Variants in CNOT10 observed in about 807,000 individuals in gnomAD.
CNOT10 encodes CCR4-NOT transcription complex subunit 10.
CNOT10 carries 30 observed loss-of-function variants against 94.6 expected under a neutral mutation model. The observed-to-expected ratio is 0.32, with a 90% confidence interval of 0.24 to 0.43. The LOEUF (loss-of-function observed/expected upper bound fraction) is 0.43. Among genes scored for constraint, CNOT10 ranks in the 20% least tolerant of loss-of-function variants. The pLI, the probability that CNOT10 is intolerant of heterozygous loss-of-function variation, is 1.00. For missense variants in CNOT10, 759 were observed against 877.2 expected, an observed-to-expected ratio of 0.87 and a Z score of 1.70; for synonymous variants, 289 against 301.6, an observed-to-expected ratio of 0.96 and a Z score of 0.43.
chr3:32,693,521 G>C (rs1277100585), intron 1 of CNOT10: 1 of 150,284 alleles, frequency 6.7e-6, no homozygotes, highest in Non-Finnish European at 1.5e-5. Flanking sequence ...TTTAATATTA[G>C]AATTTAGAGT....
intron 13 of CNOT10, among the ~76,000 whole-genome samples, chr3:32,740,927 A>G (rs1387997501): frequency 6.6e-6 from 1 of 151,858 alleles, no homozygotes; most frequent in Non-Finnish European, 1.5e-5. Flanking sequence ...GCTGATCTCA[A>G]ACTTCTGGCC....
At chr3:32,708,214 TA>T (rs1697713878) in intron 3 of CNOT10, among the ~76,000 whole-genome samples, 1 of 152,202 alleles carries the variant, frequency 6.6e-6, no homozygotes, top group African/African-American at 2.4e-5. Flanking sequence ...TATTAATGTT[TA>T]AATTTTACCT....
intron 8 of CNOT10, among the ~76,000 whole-genome samples, chr3:32,720,831 CCCTCCCTTCCTCCCTT>C (rs200409007): frequency 1.0e-4 from 13 of 127,320 alleles, no homozygotes; most frequent in Admixed American, 3.2e-4. Context: ...TGCCCTCCCT[CCCTCCCTTCCTCCCTT>C]CCTCCCTTCC....
chr3:32,751,635 A>G (rs376104260), intron 13 of CNOT10, among the ~76,000 whole-genome samples: 34 of 152,364 alleles, frequency 2.2e-4, no homozygotes, highest in Middle Eastern at 3.4e-3. Context: ...GAATCAAACA[A>G]ATGGTTGATA....
At chr3:32,699,535 CTG>C (rs1697235009) in intron 1 of CNOT10, among the ~76,000 whole-genome samples, 1 of 152,160 alleles carries the variant, frequency 6.6e-6, no homozygotes, top group Non-Finnish European at 1.5e-5. Flanking sequence ...TTGAGGAACA[CTG>C]TGAAGGACTG....
chr3:32,735,424 T>G (rs1376599995), intron 12 of CNOT10, among the ~76,000 whole-genome samples: 1 of 152,054 alleles, frequency 6.6e-6, no homozygotes, highest in Non-Finnish European at 1.5e-5. Context: ...TAAAAAAAAT[T>G]TGGCCAGGTG....
chr3:32,695,241 A>T (rs1696997136), intron 1 of CNOT10, among the ~76,000 whole-genome samples: 2 of 152,170 alleles, frequency 1.3e-5, no homozygotes, highest in Non-Finnish European at 2.9e-5. Context: ...TGTTCAGATG[A>T]TAGAAATCAT....
intron 5 of CNOT10, chr3:32,715,995 T>TG (rs1490609222): frequency 2.8e-6 from 1 of 357,532 alleles, no homozygotes; most frequent in African/African-American, 2.1e-5. Context: ...TTTGTAGAGA[T>TG]GCGATTTTGC....
intron 1 of CNOT10, among the ~76,000 whole-genome samples, chr3:32,698,025 C>T (rs1697159633): frequency 6.6e-6 from 1 of 152,190 alleles, no homozygotes; most frequent in Non-Finnish European, 1.5e-5. Context: ...GTCCTAAAGT[C>T]CTGTGTCACA....
At chr3:32,687,153 T>G (rs900847989) in intron 1 of CNOT10, among the ~76,000 whole-genome samples, 10 of 152,192 alleles carry the variant, frequency 6.6e-5, no homozygotes, top group African/African-American at 2.4e-4. Flanking sequence ...CTCCTTTGAA[T>G]CTCTGCTCAT....
chr3:32,724,894 C>T (rs1270359522), intron 8 of CNOT10, among the ~76,000 whole-genome samples: 1 of 152,162 alleles, frequency 6.6e-6, no homozygotes, highest in African/African-American at 2.4e-5. Flanking sequence ...TTGCTATTCA[C>T]TTAATATGCT....
At chr3:32,704,103 A>T (rs1697500928) in intron 2 of CNOT10, 141 bp downstream of exon 2, 3 of 543,426 alleles carry the variant, frequency 5.5e-6, no homozygotes, top group Admixed American at 6.9e-5. Flanking sequence ...TTTAATTTTT[A>T]AAATAAATGT....
chr3:32,769,961 T>C lies in CNOT10; in HGVS notation c.2079T>C (p.Asn693=), dbSNP rs778256295. 4 of 1,609,944 alleles carry C rather than the reference T, an allele frequency of 2.5e-6. No individual in the cohort carries two copies. The highest frequency in any genetic ancestry group is 3.4e-6 in the Non-Finnish European group (4 of 1,176,354). The change falls in exon 18 of 19, where the codon AAT becomes AAC. Residue 693 remains asparagine (N), a splice_region_variant and synonymous_variant. Transcript: ENST00000328834. ...TGGCAGTCTACCTTGAACTGCAGAA[T>C]GGTGAGTAATTCTCTCTGTTTAGGA... ...ILLAVYLELQ[N]GNTQLALQII... is the part of the protein sequence containing the mutation.
intron 13 of CNOT10, among the ~76,000 whole-genome samples, chr3:32,755,101 G>A (rs1177900182): frequency 6.7e-6 from 1 of 150,372 alleles, no homozygotes; most frequent in Non-Finnish European, 1.5e-5. Context: ...ACAAAATTAG[G>A]TGGGTGTGGT....
At chr3:32,728,007 A>T (rs902438222) in intron 10 of CNOT10, 137 bp downstream of exon 10, 6 of 405,282 alleles carry the variant, frequency 1.5e-5, no homozygotes, top group African/African-American at 4.7e-5. Context: ...TTATTTATTT[A>T]TTTTTTGAGA....
At chr3:32,753,263 A>G (rs1237097276) in intron 13 of CNOT10, 9 of 816,392 alleles carry the variant, frequency 1.1e-5, no homozygotes, top group Non-Finnish European at 2.0e-5. Context: ...TGTCTGGATT[A>G]AAAGATGTCA....
chr3:32,686,867 C>T (rs138906341), intron 1 of CNOT10, among the ~76,000 whole-genome samples: 1 of 152,310 alleles, frequency 6.6e-6, no homozygotes, highest in East Asian at 1.9e-4. Context: ...TCTACTTGTT[C>T]ATTTATTCAT....
chr3:32,708,751 T>C lies in CNOT10; in HGVS notation c.361T>C (p.Tyr121His), dbSNP rs780888961. 1.2e-6 allele frequency: 2 copies of C among 1,613,612 alleles called. No homozygotes were observed. Among genetic ancestry groups the C allele is most frequent in the South Asian group, 1.1e-5 (1 of 91,044 alleles). ...GTACTATAATCAAGCAGTCATTCTT[T>C]ATCATCTGCGGCAGTATACAGAAGC... ...MLYYNQAVIL[Y>H]HLRQYTEAIS... Residue 121 changes from tyrosine to histidine, a missense_variant, in exon 4 of 19, where the codon TAT becomes CAT. Around this residue, in one of 3 missense-constraint regions of CNOT10, gnomAD observed 682 missense variants for 799.4 expected, o/e 0.85. Transcript: ENST00000328834.
chr3:32,754,489 A>AAAAATATATATATAT (rs77878221), intron 13 of CNOT10, among the ~76,000 whole-genome samples: 3 of 70,214 alleles, frequency 4.3e-5, no homozygotes, highest in Admixed American at 2.3e-4. Flanking sequence ...AAAAAAAAAA[A>AAAAATATATATATAT]ATACATATAT....
Sources: gnomAD v4.1 joint callset for allele counts (sites outside exome capture counted in the v4.1 genomes callset) on GRCh38, gnomAD v4.1.1 for gene constraint, gnomAD v4.1.1 regional missense constraint, MANE v1.5 for transcripts, NCBI Gene and HGNC (gene_info 2026-07-23, HGNC 2026-07-21) for gene names.